Variants in PTPRN2 observed in about 807,000 individuals in gnomAD.
PTPRN2 encodes receptor-type tyrosine-protein phosphatase N2.
Under a neutral mutation model 118.8 loss-of-function variants are expected in PTPRN2, and 74 were observed. The ratio of observed to expected loss-of-function variants is 0.62; its 90% CI spans 0.52 to 0.76. The LOEUF (loss-of-function observed/expected upper bound fraction) is 0.76. Among genes scored for constraint, PTPRN2 ranks in the 30% least tolerant of loss-of-function variants. The pLI is 0.00. For synonymous variants in PTPRN2, 641 were observed against 608.0 expected (o/e 1.05, Z -0.80); for missense variants, 1,481 against 1,394.4 (o/e 1.06, Z -0.99).
intron 11 of PTPRN2, among the ~76,000 whole-genome samples, chr7:157,909,191 A>G (rs1464704012): frequency 1.3e-5 from 2 of 152,214 alleles, no homozygotes; most frequent in Non-Finnish European, 2.9e-5. Flanking sequence ...ATTTTCAGAA[A>G]TAAAAACAAT....
chr7:158,294,224 G>A (rs983862066), intron 3 of PTPRN2, among the ~76,000 whole-genome samples: 1 of 152,176 alleles, frequency 6.6e-6, no homozygotes, highest in African/African-American at 2.4e-5. Context: ...TCTGCTGCTG[G>A]TGGAAACATT....
At chr7:158,422,221 T>C (rs1815312591) in intron 2 of PTPRN2, among the ~76,000 whole-genome samples, 1 of 152,212 alleles carries the variant, frequency 6.6e-6, no homozygotes, top group Non-Finnish European at 1.5e-5. Flanking sequence ...GTCAACCTTT[T>C]AAGAAATGCA....
intron 2 of PTPRN2, among the ~76,000 whole-genome samples, chr7:158,376,728 G>T (rs1305120143): frequency 4.4e-5 from 5 of 112,480 alleles, no homozygotes; most frequent in East Asian, 2.8e-4. Flanking sequence ...CTCTCCCACA[G>T]CCCTGTCACA....
chr7:158,071,571 G>GTGGAGGTGCTCGTGATGA (rs1811703943), intron 11 of PTPRN2, among the ~76,000 whole-genome samples: 1 of 20,240 alleles, frequency 4.9e-5, no homozygotes, highest in Non-Finnish European at 1.1e-4. Context: ...GGTGCTCCTG[G>GTGGAGGTGCTCGTGATGA]TGGAGGTGCT....
At chr7:157,613,884 A>G (rs1430623891) in intron 15 of PTPRN2, 2 of 376,700 alleles carry the variant, frequency 5.3e-6, no homozygotes, top group Non-Finnish European at 1.1e-5. Flanking sequence ...TCTCACCACG[A>G]GCAGACCTCG....
chr7:158,559,267 AAAG>A (rs1471959158), intron 1 of PTPRN2, among the ~76,000 whole-genome samples: 5 of 152,268 alleles, frequency 3.3e-5, no homozygotes, highest in African/African-American at 9.6e-5. Flanking sequence ...GAGAAGCAAA[AAAG>A]AAGAAAATAA....
chr7:158,488,148 C>G (rs1420346771), intron 2 of PTPRN2, among the ~76,000 whole-genome samples: 10 of 152,162 alleles, frequency 6.6e-5, no homozygotes, highest in Non-Finnish European at 1.5e-4. Flanking sequence ...ACACACACAC[C>G]TGCTTCCATT....
intron 12 of PTPRN2, among the ~76,000 whole-genome samples, chr7:157,767,731 G>T (rs71543606): frequency 6.6e-6 from 1 of 152,202 alleles, no homozygotes; most frequent in Non-Finnish European, 1.5e-5. Flanking sequence ...TCTTAGAAAC[G>T]CTGTGTGTGT....
chr7:158,288,589 C>T (rs564260960), intron 3 of PTPRN2, among the ~76,000 whole-genome samples: 1 of 152,260 alleles, frequency 6.6e-6, no homozygotes, highest in South Asian at 2.1e-4. Flanking sequence ...CCACCCACCC[C>T]ACGCATAAAC....
chr7:158,431,342 A>T (rs1816159516), intron 2 of PTPRN2, among the ~76,000 whole-genome samples: 1 of 149,638 alleles, frequency 6.7e-6, no homozygotes, highest in Admixed American at 6.6e-5. Flanking sequence ...ACTTGCTCAC[A>T]CTGGCTTGCA....
chr7:158,058,402 G>C (rs1239722579), intron 11 of PTPRN2, among the ~76,000 whole-genome samples: 119 of 111,698 alleles, frequency 1.1e-3, no homozygotes, highest in Middle Eastern at 0.012. Context: ...CCCACGGTGA[G>C]ACATCACTGC....
intron 10 of PTPRN2, among the ~76,000 whole-genome samples, chr7:158,089,779 T>G: frequency 8.4e-6 from 1 of 118,416 alleles, no homozygotes; most frequent in Non-Finnish European, 1.8e-5. Context: ...AAGGGGAATG[T>G]TCACACAAAT....
In PTPRN2 at chr7:158,118,103, C is replaced by T. The variant is rs144502460; in HGVS notation, c.1557-7188G>A. Among the ~76,000 whole-genome samples the T allele has an allele frequency of 5.1e-3, 784 of 152,292 alleles. 3 individuals carry two copies. The highest frequency in any genetic ancestry group is 0.018 in the African/African-American group (755 of 41,574). On this transcript the variant is annotated intron_variant, in intron 9 of 22. Coordinates refer to ENST00000389418, the MANE Select transcript of PTPRN2 (RefSeq NM_002847.5). ...AAGAGACTAGTACATATCTTAAAAA[C>T]AATTACTAGTTAAAACTAGTATTAT...
intron 21 of PTPRN2, among the ~76,000 whole-genome samples, chr7:157,564,978 T>A (rs221289): frequency 0.96 from 145,578 of 152,352 alleles, 69,672 homozygotes; most frequent in Middle Eastern, 1. Context: ...AGTCATAAAA[T>A]GGAAGTTAGT....
At chr7:158,060,370 C>T (rs925552343) in intron 11 of PTPRN2, among the ~76,000 whole-genome samples, 9 of 152,240 alleles carry the variant, frequency 5.9e-5, no homozygotes, top group African/African-American at 1.9e-4. Flanking sequence ...CAGCCCCCAG[C>T]GGCCGCCATC....
Position 157,868,277 on chromosome 7 carries a change from C to T in PTPRN2, c.1788+30396G>A, listed in dbSNP as rs573544749. Among the ~76,000 whole-genome samples, 4 of 152,326 alleles carry T rather than the reference C, an allele frequency of 2.6e-5. No individual in the cohort carries two copies. In the East Asian group the frequency reaches 7.7e-4, roughly 29 times the overall value. On this transcript the variant is annotated intron_variant, in intron 12 of 22. Coordinates refer to ENST00000389418, the MANE Select transcript of PTPRN2 (RefSeq NM_002847.5). This position sits in a 1 kb window ranked among gnomAD's most constrained non-coding sequence, Gnocchi z 5.2. Reference sequence around the variant, plus strand: ...ACTCGGCAAGCCCATCTGAACAGGGCTCTCTGCAGGCAGCCCCAGGCCTGG... The same window carrying T: ...ACTCGGCAAGCCCATCTGAACAGGGTTCTCTGCAGGCAGCCCCAGGCCTGG...
At chr7:157,910,518 T>C (rs1267890314) in intron 11 of PTPRN2, among the ~76,000 whole-genome samples, 1 of 150,940 alleles carries the variant, frequency 6.6e-6, no homozygotes, top group Non-Finnish European at 1.5e-5. Flanking sequence ...TGGGAACGGG[T>C]CCAGGATCAC....
At position 158,518,448 on chromosome 7, in the gene PTPRN2, C is replaced by G. The variant is rs75184510; in HGVS notation, c.113-28663G>C. Among the ~76,000 whole-genome samples the G allele has an allele frequency of 8.5e-3, 1,300 of 152,238 alleles. 22 individuals carry two copies. The highest frequency in any genetic ancestry group is 0.03 in the African/African-American group (1,239 of 41,546). On this transcript the variant is annotated intron_variant, in intron 1 of 22. Transcript: ENST00000389418. ...AGGCCATACTCAGTAGCTCAGGTGC[C>G]AAGTAAGCCAGAAGTGAAGAAAATG...
chr7:158,002,789 T>C (rs974862434), intron 11 of PTPRN2, among the ~76,000 whole-genome samples: 2 of 152,120 alleles, frequency 1.3e-5, no homozygotes, highest in Non-Finnish European at 1.5e-5. Flanking sequence ...GCCTCAAAGC[T>C]CAGCAGGTCC....
Sources: allele counts gnomAD v4.1 joint callset (sites outside exome capture counted in the v4.1 genomes callset), GRCh38; gene constraint gnomAD v4.1.1; non-coding constraint Gnocchi (gnomAD v3.1); transcripts MANE v1.5; gene names NCBI Gene and HGNC (gene_info 2026-07-23, HGNC 2026-07-21).